The following PLCE1 variants were observed in gnomAD, a reference collection of about 807,000 sequenced individuals.
The protein encoded by PLCE1 is phospholipase C epsilon 1, also known as 1-phosphatidylinositol 4,5-bisphosphate phosphodiesterase epsilon-1.
A neutral mutation model predicts 242.8 loss-of-function variants in PLCE1; 119 were observed. The observed-to-expected ratio is 0.49, with a 90% CI of 0.42 to 0.57. PLCE1 has a LOEUF of 0.57. PLCE1 is among the 20% of genes least tolerant of loss of function. The probability of loss-of-function intolerance (pLI) is 0.00; values close to 1 mark genes in which losing one functional copy is unlikely to be tolerated. For missense variants in PLCE1, 2,441 were observed against 2,788.8 expected, an observed-to-expected ratio of 0.88 and a Z score of 2.81; for synonymous variants, 945 against 1,017.4, an observed-to-expected ratio of 0.93 and a Z score of 1.35.
At chr10:93,998,178 C>T (rs1327244027) in intron 1 of PLCE1, among the ~76,000 whole-genome samples, 1 of 152,210 alleles carries the variant, frequency 6.6e-6, no homozygotes, top group Non-Finnish European at 1.5e-5. Context: ...TTCATTTCTC[C>T]TCCTCAAGTA....
intron 2 of PLCE1, among the ~76,000 whole-genome samples, chr10:94,061,482 A>T (rs2044054225): frequency 6.6e-6 from 1 of 152,204 alleles, no homozygotes; most frequent in Non-Finnish European, 1.5e-5. Context: ...TACACCAAGC[A>T]ATAGCCAGAC....
chr10:94,182,863 A>G (rs567032123), intron 4 of PLCE1, among the ~76,000 whole-genome samples: 86 of 152,286 alleles, frequency 5.6e-4, no homozygotes, highest in Non-Finnish European at 1.0e-3. Flanking sequence ...ATCAGTTAAC[A>G]CCTCTGTCCT....
chr10:94,241,202 C>A (rs2050492739), intron 7 of PLCE1, among the ~76,000 whole-genome samples: 1 of 152,216 alleles, frequency 6.6e-6, no homozygotes, highest in African/African-American at 2.4e-5. Context: ...TCCCCTCTCT[C>A]CCAGCTTACA....
At chr10:94,184,248 C>T (rs969204739) in intron 4 of PLCE1, among the ~76,000 whole-genome samples, 15 of 152,146 alleles carry the variant, frequency 9.9e-5, no homozygotes, top group Non-Finnish European at 2.1e-4. Context: ...CTTCAACGGC[C>T]CCCCTTTGCG....
chr10:94,023,455 A>G (rs2061408094), intron 1 of PLCE1, among the ~76,000 whole-genome samples: 1 of 152,202 alleles, frequency 6.6e-6, no homozygotes, highest in African/African-American at 2.4e-5. Flanking sequence ...GAATCTTGAC[A>G]TTATTATACA....
intron 3 of PLCE1, among the ~76,000 whole-genome samples, chr10:94,142,456 C>A (rs1264453810): frequency 4.6e-5 from 7 of 151,980 alleles, no homozygotes; most frequent in African/African-American, 1.7e-4. Flanking sequence ...GAATTTGAAG[C>A]TGCAGTGCGC....
chr10:94,315,155 C>T (rs573799250), intron 28 of PLCE1: 4 of 298,760 alleles, frequency 1.3e-5, no homozygotes, highest in South Asian at 1.3e-4. Context: ...TGCCTTGGCC[C>T]CCTTTTGAGT....
chr10:94,216,464 A>G (rs2049530841), intron 4 of PLCE1, among the ~76,000 whole-genome samples: 1 of 152,118 alleles, frequency 6.6e-6, no homozygotes. Flanking sequence ...GAACAAGTAT[A>G]TATTTGTTGA....
chr10:94,317,771 AACTT>A (rs1170629933), intron 29 of PLCE1, among the ~76,000 whole-genome samples: 2 of 152,168 alleles, frequency 1.3e-5, no homozygotes, highest in East Asian at 3.8e-4. Flanking sequence ...AAACCCTACT[AACTT>A]AAGAATGACA....
chr10:94,254,432 C>T (rs2050993640), intron 10 of PLCE1, 125 bp downstream of exon 10: 1 of 747,116 alleles, frequency 1.3e-6, no homozygotes, highest in Admixed American at 2.0e-5. Flanking sequence ...TTTGTCCTAA[C>T]CAGACAATGA....
intron 22 of PLCE1, among the ~76,000 whole-genome samples, chr10:94,291,186 G>C (rs2133425647): frequency 6.6e-6 from 1 of 151,968 alleles, no homozygotes; most frequent in Non-Finnish European, 1.5e-5. Flanking sequence ...ACAGAGTCTT[G>C]CTAAGTTGCC....
intron 8 of PLCE1, among the ~76,000 whole-genome samples, chr10:94,249,126 T>C (rs1238585750): frequency 6.6e-6 from 1 of 152,074 alleles, no homozygotes; most frequent in African/African-American, 2.4e-5. Context: ...ACTTCTGAAA[T>C]ATAGGTGATG....
intron 7 of PLCE1, among the ~76,000 whole-genome samples, chr10:94,238,593 G>T (rs2137375992): frequency 6.6e-6 from 1 of 152,236 alleles, no homozygotes; most frequent in Non-Finnish European, 1.5e-5. Flanking sequence ...CATTTCATAT[G>T]AATTATAATG....
At chr10:94,285,002 T>A in intron 22 of PLCE1, 37 bp downstream of exon 22, 1 of 1,143,434 alleles carries the variant, frequency 8.7e-7, no homozygotes, top group Non-Finnish European at 1.3e-6. Context: ...CTTTTAAAGA[T>A]ATCAAAGGTT....
intron 9 of PLCE1, among the ~76,000 whole-genome samples, chr10:94,252,735 AGAGACATCGTT>A (rs1276110576): frequency 2.0e-5 from 3 of 152,318 alleles, no homozygotes; most frequent in African/African-American, 7.2e-5. Context: ...CGAGCTAAAA[AGAGACATCGTT>A]GAGTCACCCA....
At chr10:94,125,689 G>C (rs576262416) in intron 2 of PLCE1, among the ~76,000 whole-genome samples, 1 of 152,202 alleles carries the variant, frequency 6.6e-6, no homozygotes, top group Admixed American at 6.5e-5. Context: ...TGAGTCAATG[G>C]ACCTCTAAGT....
At chr10:94,226,774 C>A (rs2049952704) in intron 4 of PLCE1, among the ~76,000 whole-genome samples, 1 of 150,100 alleles carries the variant, frequency 6.7e-6, no homozygotes, top group Admixed American at 6.6e-5. Context: ...CCTTTTTCAG[C>A]CTTCTTGTTT....
intron 7 of PLCE1, among the ~76,000 whole-genome samples, chr10:94,244,611 G>C (rs1245821566): frequency 6.6e-6 from 1 of 152,220 alleles, no homozygotes; most frequent in Non-Finnish European, 1.5e-5. Flanking sequence ...CATGCACAGA[G>C]AGAGTAGAAA....
intron 4 of PLCE1, among the ~76,000 whole-genome samples, chr10:94,177,456 G>A (rs1317472199): frequency 6.6e-6 from 1 of 152,174 alleles, no homozygotes; most frequent in Non-Finnish European, 1.5e-5. Flanking sequence ...GATTTGTGTT[G>A]AACGTAGGCT....
Sources: allele counts gnomAD v4.1 joint callset (sites outside exome capture counted in the v4.1 genomes callset), GRCh38; gene constraint gnomAD v4.1.1; transcripts MANE v1.5; gene names NCBI Gene and HGNC (gene_info 2026-07-23, HGNC 2026-07-21).